LRRFIP2: variants seen among roughly 807,000 people sequenced by gnomAD.
LRRFIP2 encodes LRR binding FLII interacting protein 2, also known as leucine-rich repeat flightless-interacting protein 2.
In LRRFIP2, 109 loss-of-function variants were observed where a neutral mutation model predicts 125.9. That is an observed-to-expected ratio of 0.87 (90% CI 0.74 to 1.01). The LOEUF (loss-of-function observed/expected upper bound fraction) is 1.01, where lower values mean the gene tolerates loss of function less well. Ranked by LOEUF, LRRFIP2 falls within the 50% of genes least tolerant of loss-of-function variation. LRRFIP2 has a pLI of 0.00. For synonymous variants in LRRFIP2, 291 were observed against 293.1 expected, an observed-to-expected ratio of 0.99 and a Z score of 0.07; for missense variants, 850 against 862.3, an observed-to-expected ratio of 0.99 and a Z score of 0.18.
intron 18 of LRRFIP2, among the ~76,000 whole-genome samples, chr3:37,091,204 T>C (rs1489223641): frequency 2.0e-5 from 3 of 149,812 alleles, no homozygotes; most frequent in East Asian, 1.9e-4. Context: ...AGTAAGATCC[T>C]GTCTGTACAA....
intron 19 of LRRFIP2, among the ~76,000 whole-genome samples, chr3:37,081,380 T>A (rs2092626448): frequency 1.3e-5 from 2 of 152,248 alleles, no homozygotes; most frequent in Admixed American, 1.3e-4. Context: ...CTACTCTCAC[T>A]ACCTGCTTCT....
At chr3:37,102,426 A>T (rs191581060) in intron 15 of LRRFIP2, among the ~76,000 whole-genome samples, 14 of 151,968 alleles carry the variant, frequency 9.2e-5, no homozygotes, top group East Asian at 5.8e-4. Context: ...GTTTTTTTTT[A>T]AAAAAGAACA....
At chr3:37,130,326 C>G (rs1207393710) in intron 2 of LRRFIP2, among the ~76,000 whole-genome samples, 1 of 152,182 alleles carries the variant, frequency 6.6e-6, no homozygotes, top group Non-Finnish European at 1.5e-5. Context: ...ATGGACAAAT[C>G]AGCCTTTCAA....
At chr3:37,164,577 C>T (rs530600863) in intron 1 of LRRFIP2, among the ~76,000 whole-genome samples, 1 of 151,996 alleles carries the variant, frequency 6.6e-6, no homozygotes, top group African/African-American at 2.4e-5. Flanking sequence ...ATTAGCCAGG[C>T]ATGCATGGTG....
At chr3:37,107,214 T>C (rs1237468136) in intron 13 of LRRFIP2, among the ~76,000 whole-genome samples, 1 of 152,150 alleles carries the variant, frequency 6.6e-6, no homozygotes, top group African/African-American at 2.4e-5. Flanking sequence ...AAATGACTTT[T>C]AAAATGTATA....
intron 2 of LRRFIP2, among the ~76,000 whole-genome samples, chr3:37,141,916 C>T (rs979376181): frequency 6.6e-6 from 1 of 152,144 alleles, no homozygotes; most frequent in Non-Finnish European, 1.5e-5. Context: ...AGCCAGTTTC[C>T]TCTGGGCAGC....
intron 21 of LRRFIP2, among the ~76,000 whole-genome samples, chr3:37,072,378 T>C (rs899631190): frequency 1.8e-4 from 28 of 151,876 alleles, no homozygotes; most frequent in Non-Finnish European, 2.2e-4. Context: ...TGTGTGTGCC[T>C]GTAATCCCAG....
chr3:37,055,914 C>T (rs539486549), intron 25 of LRRFIP2, among the ~76,000 whole-genome samples: 1 of 152,208 alleles, frequency 6.6e-6, no homozygotes, highest in South Asian at 2.1e-4. Context: ...CCTTTTCTCC[C>T]ACCTCTGACT....
chr3:37,106,753 C>G (rs1265337153), intron 13 of LRRFIP2, among the ~76,000 whole-genome samples: 1 of 152,086 alleles, frequency 6.6e-6, no homozygotes, highest in African/African-American at 2.4e-5. Context: ...GGTGGGTGGA[C>G]CACCTGAGGT....
chr3:37,150,815 C>A (rs1474770311), intron 1 of LRRFIP2, among the ~76,000 whole-genome samples: 2 of 152,166 alleles, frequency 1.3e-5, no homozygotes, highest in Admixed American at 6.5e-5. Flanking sequence ...ACACAATTGG[C>A]TATACTGAAA....
chr3:37,072,641 T>C, intron 21 of LRRFIP2, 149 bp downstream of exon 21: 1 of 447,588 alleles, frequency 2.2e-6, no homozygotes, highest in Non-Finnish European at 4.0e-6. Flanking sequence ...GGTTTTCCTA[T>C]GGAAGTCTCT....
chr3:37,135,045 T>G, intron 2 of LRRFIP2: 1 of 1,426,210 alleles, frequency 7.0e-7, no homozygotes, highest in Non-Finnish European at 9.9e-7. Context: ...ATCCATAAAA[T>G]AGACAGACGT....
At chr3:37,065,302 T>TA (rs2089892807) in intron 23 of LRRFIP2, 1 of 252,172 alleles carries the variant, frequency 4.0e-6, no homozygotes, top group Non-Finnish European at 8.1e-6. Flanking sequence ...GTTTAGACTT[T>TA]AAGAGTCTGG....
rs1012325029 is a variant in LRRFIP2, at chr3:37,060,042, C to T, written c.1750-1132G>A. On this transcript the variant is annotated intron_variant, in intron 24 of 27. Coordinates refer to ENST00000336686, the MANE Select transcript of LRRFIP2 (RefSeq NM_006309.4). The surrounding 1 kb of genome is among the most constrained non-coding windows in gnomAD (Gnocchi z 4.1). ...GACAAATCTCAGTATCTCCATCATT[C>T]CTATTTATGTGCATCTCACAAAGGG... Among the ~76,000 whole-genome samples, 2 of 152,140 alleles carry T rather than the reference C, an allele frequency of 1.3e-5. No individual in the cohort carries two copies. The highest frequency in any genetic ancestry group is 4.8e-5 in the African/African-American group (2 of 41,446).
intron 20 of LRRFIP2, 37 bp from the exon 21 acceptor site, chr3:37,072,919 C>G: frequency 7.2e-7 from 1 of 1,388,056 alleles, no homozygotes; most frequent in Non-Finnish European, 1.0e-6. Flanking sequence ...AATAAAAGAG[C>G]AGAAAGAAAA....
intron 18 of LRRFIP2, among the ~76,000 whole-genome samples, chr3:37,087,418 A>T (rs967700117): frequency 1.6e-4 from 25 of 152,198 alleles, no homozygotes; most frequent in African/African-American, 5.5e-4. Flanking sequence ...CAAGTACTAG[A>T]TGCATGCACA....
chr3:37,138,244 T>C (rs995292765), intron 2 of LRRFIP2, among the ~76,000 whole-genome samples: 1 of 152,214 alleles, frequency 6.6e-6, no homozygotes, highest in African/African-American at 2.4e-5. Context: ...CTGCTTCAGT[T>C]AAATAAACAG....
intron 1 of LRRFIP2, among the ~76,000 whole-genome samples, chr3:37,160,172 T>C (rs1048850724): frequency 6.6e-6 from 1 of 151,908 alleles, no homozygotes; most frequent in Non-Finnish European, 1.5e-5. Context: ...GGGTAAGCAA[T>C]GGGAACAGGG....
chr3:37,114,436 T>C (rs1369018215), intron 7 of LRRFIP2, among the ~76,000 whole-genome samples: 2 of 152,240 alleles, frequency 1.3e-5, no homozygotes, highest in South Asian at 2.1e-4. Flanking sequence ...CTAACAGTGT[T>C]AGAATGACAA....
Sources: allele counts gnomAD v4.1 joint callset (sites outside exome capture counted in the v4.1 genomes callset), GRCh38; gene constraint gnomAD v4.1.1; non-coding constraint Gnocchi (gnomAD v3.1); transcripts MANE v1.5; gene names NCBI Gene and HGNC (gene_info 2026-07-23, HGNC 2026-07-21).